Variants in RMDN1 observed in about 807,000 individuals in gnomAD.
RMDN1 encodes the protein regulator of microtubule dynamics protein 1.
In RMDN1, 48 loss-of-function variants were observed where a neutral mutation model predicts 48.9. The observed-to-expected ratio is 0.98, with a 90% CI of 0.78 to 1.25. The LOEUF (loss-of-function observed/expected upper bound fraction) is 1.25, where lower values mean the gene tolerates loss of function less well. RMDN1 is among the 50% of genes most tolerant of loss of function. RMDN1 has a pLI of 0.00. For missense variants in RMDN1, 418 were observed against 373.4 expected (o/e 1.12, Z -0.98); for synonymous variants, 148 against 132.6 (o/e 1.12, Z -0.80).
chr8:86,492,651 TTAATAATAATAA>T (rs71574272), intron 2 of RMDN1, among the ~76,000 whole-genome samples: 44,217 of 144,196 alleles, frequency 0.31, 8,457 homozygotes, highest in Middle Eastern at 0.44. Context: ...AGACTCCGCC[TTAATAATAATAA>T]TAATAATAAT....
At chr8:86,469,209 A>G (rs546003682), downstream of RMDN1, among the ~76,000 whole-genome samples, 2 of 149,724 alleles carry the variant, frequency 1.3e-5, no homozygotes, top group East Asian at 2.1e-4. Context: ...CTTCCCAAGT[A>G]GTTGAAAATG....
upstream of RMDN1, among the ~76,000 whole-genome samples, chr8:86,513,445 C>T (rs143554686): frequency 3.1e-3 from 470 of 152,248 alleles, 2 homozygotes; most frequent in African/African-American, 0.011. Context: ...CAATATTTTT[C>T]CCAATGTGTT....
chr8:86,470,539 C>G, downstream of RMDN1: 1 of 595,988 alleles, frequency 1.7e-6, no homozygotes. Context: ...CCAGGAGCCA[C>G]ACTCCTGGGC....
In RMDN1 at chr8:86,483,075, C is replaced by G. The variant is rs114152172; in HGVS notation, c.585+1797G>C. Reference sequence around the variant, plus strand: ...GTTGAGAGGGGTACTTTCAAGCAAACTCTTTTATAATCAATCCTTCCTGCC... The same window carrying G: ...GTTGAGAGGGGTACTTTCAAGCAAAGTCTTTTATAATCAATCCTTCCTGCC... On this transcript the variant is annotated intron_variant, in intron 5 of 9. Transcript: ENST00000406452. 3.8e-4 allele frequency: 171 copies of G among 447,216 alleles called. 1 individual carries two copies. Among genetic ancestry groups the G allele is most frequent in the African/African-American group, 2.6e-3 (132 of 50,652 alleles). 27.7% of individuals were successfully genotyped at this position (447,216 alleles called of 1,614,324 possible).
At chr8:86,483,649 G>C (rs1212322634) in intron 5 of RMDN1, among the ~76,000 whole-genome samples, 1 of 152,086 alleles carries the variant, frequency 6.6e-6, no homozygotes, top group Non-Finnish European at 1.5e-5. Flanking sequence ...TAGGTCTCTG[G>C]ACTCCCAGTC....
At chr8:86,482,247 T>G in intron 5 of RMDN1, 1 of 311,194 alleles carries the variant, frequency 3.2e-6, no homozygotes. Context: ...ACTAAAAATA[T>G]AAAAATTAGC....
At chr8:86,484,270 CAAGT>C (rs1486719607) in intron 5 of RMDN1, among the ~76,000 whole-genome samples, 2 of 152,034 alleles carry the variant, frequency 1.3e-5, no homozygotes, top group African/African-American at 4.8e-5. Flanking sequence ...GATAAAAAAA[CAAGT>C]GAGGAGAAAC....
At chr8:86,505,058 C>G in intron 2 of RMDN1, 2 of 1,442,660 alleles carry the variant, frequency 1.4e-6, no homozygotes, top group South Asian at 1.2e-5. Flanking sequence ...AGACCACCAC[C>G]AATGTCTAAG....
intron 3 of RMDN1, among the ~76,000 whole-genome samples, chr8:86,487,140 T>C (rs972161645): frequency 6.6e-6 from 1 of 152,312 alleles, no homozygotes; most frequent in Non-Finnish European, 1.5e-5. Flanking sequence ...GAATGAATGG[T>C]TGAATATAAT....
At chr8:86,475,860 G>A (rs1022708315) in intron 8 of RMDN1, among the ~76,000 whole-genome samples, 4 of 152,078 alleles carry the variant, frequency 2.6e-5, no homozygotes, top group Non-Finnish European at 4.4e-5. Context: ...TCAATCATCC[G>A]ATCATTCATC....
At chr8:86,482,410 A>C in intron 5 of RMDN1, 2 of 420,092 alleles carry the variant, frequency 4.8e-6, no homozygotes, top group Non-Finnish European at 8.9e-6. Context: ...CAAACAAAAA[A>C]AAGAAAGGAG....
At chr8:86,482,463 ATAT>A in intron 5 of RMDN1, 1 of 543,392 alleles carries the variant, frequency 1.8e-6, no homozygotes, top group South Asian at 1.7e-5. Flanking sequence ...GCAATGCCAT[ATAT>A]TATTAGAAAG....
rs1030687537 is a variant in RMDN1 at position 86,504,738 on chromosome 8, A to T, written c.247+2257T>A. The T allele has an allele frequency of 4.0e-6, 4 of 1,011,422 alleles. No homozygotes were observed. The Admixed American group carries it at 5.1e-5, about 13-fold the overall frequency. The allele number at this position is 1,011,422 out of a possible 1,614,324, so 62.7% of individuals were successfully genotyped here. On this transcript the variant is annotated intron_variant, in intron 2 of 9. Transcript: ENST00000406452. ...TGGACCAGGTCCCATTTCCTGGTTTATTGTGGCCGAACTCTTCAGCCAGGG... is the reference window on the plus strand; with the variant it reads ...TGGACCAGGTCCCATTTCCTGGTTTTTTGTGGCCGAACTCTTCAGCCAGGG...
At chr8:86,504,118 G>A (rs1310562394) in intron 2 of RMDN1, 7 of 1,119,466 alleles carry the variant, frequency 6.3e-6, no homozygotes, top group Admixed American at 1.7e-5. Context: ...ATTCATCCTT[G>A]GGTCTGAAGA....
intron 2 of RMDN1, chr8:86,505,306 T>G: frequency 2.1e-6 from 1 of 475,066 alleles, no homozygotes; most frequent in Non-Finnish European, 4.1e-6. Context: ...CTACCTTCAT[T>G]TCAGGAGGCA....
chr8:86,494,969 G>T, intron 2 of RMDN1: 2 of 417,600 alleles, frequency 4.8e-6, no homozygotes, highest in East Asian at 7.6e-5. Flanking sequence ...GCGAGACTCT[G>T]TCTCAAAAAA....
chr8:86,510,415 G>T (rs1586813880), upstream of RMDN1, among the ~76,000 whole-genome samples: 1 of 151,850 alleles, frequency 6.6e-6, no homozygotes, highest in African/African-American at 2.4e-5. Flanking sequence ...TCTTGCATTT[G>T]TTATGTTTCT....
downstream of RMDN1, among the ~76,000 whole-genome samples, chr8:86,469,186 C>CA (rs1356774287): frequency 3.7e-5 from 3 of 81,680 alleles, no homozygotes; most frequent in East Asian, 7.8e-4. Flanking sequence ...GTTTGTCCCG[C>CA]CCCCCCCATG....
At chr8:86,469,776 C>T (rs966014878), downstream of RMDN1, among the ~76,000 whole-genome samples, 3 of 152,194 alleles carry the variant, frequency 2.0e-5, no homozygotes, top group African/African-American at 7.2e-5. Context: ...AGGATTTGAT[C>T]TAAGTCCAAA....
Sources: allele counts gnomAD v4.1 joint callset (sites outside exome capture counted in the v4.1 genomes callset), GRCh38; gene constraint gnomAD v4.1.1; transcripts MANE v1.5; gene names NCBI Gene and HGNC (gene_info 2026-07-23, HGNC 2026-07-21).